Variants in CWC27 observed in about 807,000 individuals in gnomAD.
CWC27 encodes CWC27 spliceosome associated cyclophilin.
A neutral mutation model predicts 63.6 loss-of-function variants in CWC27; 47 were observed. The observed-to-expected ratio is 0.74, with a 90% CI of 0.58 to 0.94. CWC27 has a LOEUF of 0.94. Ranked by LOEUF, CWC27 falls within the 40% of genes least tolerant of loss-of-function variation. CWC27 has a pLI of 0.00. For missense variants in CWC27, 495 were observed against 554.3 expected (o/e 0.89, Z 1.07); for synonymous variants, 175 against 179.8 (o/e 0.97, Z 0.22).
chr5:64,941,269 G>T (rs530196290), intron 11 of CWC27, among the ~76,000 whole-genome samples: 1 of 152,262 alleles, frequency 6.6e-6, no homozygotes, highest in East Asian at 1.9e-4. Context: ...CTGGGTGCTA[G>T]ATTGCTCAAT....
At chr5:64,803,994 C>T (rs1053717704) in intron 9 of CWC27, among the ~76,000 whole-genome samples, 1 of 151,978 alleles carries the variant, frequency 6.6e-6, no homozygotes, top group Non-Finnish European at 1.5e-5. Context: ...ATGAGTTGAG[C>T]GAACAGCCTT....
chr5:64,977,256 T>G lies in CWC27; in HGVS notation c.1256+18T>G. ...GAAGGATGGTAAGGGCTTTGATTTCTGTATATTAACCATGAACAAATAGTC... is the reference window on the plus strand; with the variant it reads ...GAAGGATGGTAAGGGCTTTGATTTCGGTATATTAACCATGAACAAATAGTC... On this transcript the variant is annotated intron_variant, in intron 13 of 13. Coordinates refer to ENST00000381070, the MANE Select transcript of CWC27 (RefSeq NM_005869.4). 2 of 1,516,014 alleles carry G rather than the reference T, an allele frequency of 1.3e-6. No individual in the cohort carries two copies. The highest frequency in any genetic ancestry group is 1.8e-6 in the Non-Finnish European group (2 of 1,092,988). 93.9% of individuals were successfully genotyped at this position (1,516,014 alleles called of 1,614,324 possible). A position where few individuals can be genotyped will look rare whatever the true frequency, so the allele number is the denominator to read the frequency against.
chr5:64,939,297 C>T (rs937399530), intron 11 of CWC27, among the ~76,000 whole-genome samples: 2 of 151,918 alleles, frequency 1.3e-5, no homozygotes, highest in African/African-American at 4.8e-5. Flanking sequence ...GTTGTCTTGT[C>T]GGCGTCCTTT....
intron 11 of CWC27, among the ~76,000 whole-genome samples, chr5:64,925,014 G>C (rs529814579): frequency 2.6e-5 from 4 of 151,730 alleles, no homozygotes; most frequent in African/African-American, 9.7e-5. Context: ...AAAGAAATGT[G>C]TAGTTAGCAA....
At chr5:64,824,529 A>G (rs1745302777) in intron 10 of CWC27, among the ~76,000 whole-genome samples, 1 of 152,118 alleles carries the variant, frequency 6.6e-6, no homozygotes, top group East Asian at 1.9e-4. Context: ...GTGACCTGAA[A>G]AGGGAAGCTT....
chr5:64,920,065 A>C lies in CWC27; in HGVS notation c.1042+34519A>C, dbSNP rs185118566. On this transcript the variant is annotated intron_variant, in intron 11 of 13. Coordinates refer to ENST00000381070, the MANE Select transcript of CWC27 (RefSeq NM_005869.4). ...CATTCCCTTTTCTTCTCTCAGGTTC[A>C]AGTGATTCTTCCACCTCAGCCTTCC... Among the ~76,000 whole-genome samples the C allele has an allele frequency of 1.9e-3, 291 of 152,304 alleles. 2 individuals are homozygous for C. Among genetic ancestry groups the C allele is most frequent in the Non-Finnish European group, 2.3e-3 (158 of 68,008 alleles).
intron 12 of CWC27, among the ~76,000 whole-genome samples, chr5:64,972,021 TG>T (rs1158969297): frequency 6.6e-6 from 1 of 152,210 alleles, no homozygotes; most frequent in African/African-American, 2.4e-5. Flanking sequence ...TGAAAAAGCC[TG>T]GAACTTCCAC....
rs114454318 is a variant in CWC27 at position 64,928,425 on chromosome 5, A to G, written c.1042+42879A>G. 5.2e-3 allele frequency among the ~76,000 whole-genome samples: 796 copies of G among 152,284 alleles called. 6 individuals carry two copies. Among genetic ancestry groups the G allele is most frequent in the African/African-American group, 0.018 (755 of 41,554 alleles). ...AAAAAGTTTTCTTCTTCTTTTAGCA[A>G]TCTCTGTGTTGCAGGCTAAAGACTT... On this transcript the variant is annotated intron_variant, in intron 11 of 13. Coordinates refer to ENST00000381070, the MANE Select transcript of CWC27 (RefSeq NM_005869.4).
At chr5:64,882,949 G>A (rs1746980833) in intron 10 of CWC27, among the ~76,000 whole-genome samples, 1 of 152,152 alleles carries the variant, frequency 6.6e-6, no homozygotes, top group African/African-American at 2.4e-5. Flanking sequence ...ATGTGTATTA[G>A]TCTGTTCTCA....
At chr5:64,849,392 A>C (rs1311641858) in intron 10 of CWC27, among the ~76,000 whole-genome samples, 1 of 152,172 alleles carries the variant, frequency 6.6e-6, no homozygotes, top group Non-Finnish European at 1.5e-5. Flanking sequence ...GTACATACTA[A>C]TTGATATGGT....
intron 11 of CWC27, among the ~76,000 whole-genome samples, chr5:64,931,800 GT>G (rs1748242056): frequency 1.3e-5 from 2 of 151,810 alleles, no homozygotes; most frequent in Non-Finnish European, 2.9e-5. Context: ...ATTACACCTT[GT>G]TTTTTTATCA....
intron 7 of CWC27, among the ~76,000 whole-genome samples, chr5:64,798,318 T>C (rs906336156): frequency 1.3e-5 from 2 of 152,186 alleles, no homozygotes; most frequent in African/African-American, 4.8e-5. Flanking sequence ...CCCCATGGAA[T>C]TGTGGAATAC....
intron 11 of CWC27, among the ~76,000 whole-genome samples, chr5:64,892,686 T>G (rs1433631124): frequency 1.3e-5 from 2 of 152,156 alleles, no homozygotes; most frequent in African/African-American, 4.8e-5. Flanking sequence ...TTAATTATCT[T>G]ACATCACACA....
chr5:64,921,593 G>T (rs1747999800), intron 11 of CWC27, among the ~76,000 whole-genome samples: 1 of 152,134 alleles, frequency 6.6e-6, no homozygotes, highest in Non-Finnish European at 1.5e-5. Flanking sequence ...AGACAGTTGG[G>T]TCTTGCTTCT....
intron 10 of CWC27, among the ~76,000 whole-genome samples, chr5:64,877,568 C>T (rs554906213): frequency 1.3e-5 from 2 of 151,926 alleles, no homozygotes; most frequent in Admixed American, 6.6e-5. Context: ...TTGAAATTTA[C>T]ACAACACAGA....
intron 11 of CWC27, among the ~76,000 whole-genome samples, chr5:64,965,943 A>T (rs1749005246): frequency 6.6e-6 from 1 of 152,178 alleles, no homozygotes. Flanking sequence ...ATTCAGGAGG[A>T]TTTGAACTAC....
chr5:64,881,852 T>C (rs1746943407), intron 10 of CWC27, among the ~76,000 whole-genome samples: 1 of 152,144 alleles, frequency 6.6e-6, no homozygotes, highest in Admixed American at 6.5e-5. Context: ...CCTCTTCAAC[T>C]CTCAAAATAA....
At chr5:64,885,334 A>G in intron 10 of CWC27, 109 bp from the exon 11 acceptor site, 2 of 663,948 alleles carry the variant, frequency 3.0e-6, no homozygotes, top group South Asian at 2.4e-5. Context: ...AATGAATTAC[A>G]TTATTCACTT....
At chr5:65,013,763 G>A (rs73760063) in intron 13 of CWC27, among the ~76,000 whole-genome samples, 1,808 of 152,300 alleles carry the variant, frequency 0.012, 45 homozygotes, top group African/African-American at 0.041. Context: ...AGGGTTGGGT[G>A]ATAAGTTCCT....
Sources: gnomAD v4.1 joint callset for allele counts (sites outside exome capture counted in the v4.1 genomes callset) on GRCh38, gnomAD v4.1.1 for gene constraint, MANE v1.5 for transcripts, NCBI Gene and HGNC (gene_info 2026-07-23, HGNC 2026-07-21) for gene names.